Variants in HPS3 observed in about 807,000 individuals in gnomAD.
HPS3 encodes the protein BLOC-2 complex member HPS3.
A neutral mutation model predicts 110.9 loss-of-function variants in HPS3; 79 were observed. That is an observed-to-expected ratio of 0.71 (90% CI 0.59 to 0.86). HPS3 has a LOEUF of 0.86. HPS3 is among the 40% of genes least tolerant of loss of function. HPS3 has a pLI of 0.00. For missense variants in HPS3, 1,197 were observed against 1,206.2 expected, an observed-to-expected ratio of 0.99 and a Z score of 0.11; for synonymous variants, 428 against 451.0, an observed-to-expected ratio of 0.95 and a Z score of 0.65.
Position 149,172,395 on chromosome 3 carries a change from TGTAGTGGTA to T in HPS3, c.*174_*182del. On this transcript the variant is annotated 3_prime_UTR_variant, in exon 17 of 17. Transcript: ENST00000296051. ...TGCTTTCAGGCTGCTTACCTTACCG[TGTAGTGGTA>T]ACTATTCACTTCTTAATTTATGACC... 1.8e-6 allele frequency: 1 copy of T among 569,144 alleles called. No homozygotes were observed. Among genetic ancestry groups the T allele is most frequent in the Non-Finnish European group, 3.1e-6 (1 of 317,470 alleles). 35.3% of individuals were successfully genotyped at this position (569,144 alleles called of 1,614,324 possible).
Position 149,141,363 on chromosome 3 carries a change from T to C in HPS3, c.953T>C (p.Leu318Pro), listed in dbSNP as rs1576667303. 6.2e-7 allele frequency: 1 copy of C among 1,610,812 alleles called. No homozygotes were observed. The highest frequency in any genetic ancestry group is 1.1e-5 in the South Asian group (1 of 91,014). The change falls in exon 4 of 17, where the codon CTA becomes CCA. Residue 318 changes from leucine (L) to proline (P), a missense_variant. Coordinates refer to ENST00000296051, the MANE Select transcript of HPS3 (RefSeq NM_032383.5). ...DDIKLHSLQL[L>P]PIYQTGSLTS... ...ATCAAGCTACATTCCCTCCAGCTGC[T>C]ACCCATTTACCAGACCGGTAAGCAT... is the stretch of plus-strand genomic sequence containing the variant.
chr3:149,158,415 G>C (rs1191220877), intron 9 of HPS3, among the ~76,000 whole-genome samples: 2 of 152,146 alleles, frequency 1.3e-5, no homozygotes, highest in African/African-American at 4.8e-5. Context: ...AATGGCAGTA[G>C]AAAAGCATTT....
intron 4 of HPS3, among the ~76,000 whole-genome samples, chr3:149,142,344 T>C (rs1051326048): frequency 8.5e-5 from 13 of 152,172 alleles, no homozygotes; most frequent in African/African-American, 2.7e-4. Flanking sequence ...CTTCTTATGA[T>C]TGGCTTGTGA....
chr3:149,161,048 A>G (rs989999728), intron 11 of HPS3, among the ~76,000 whole-genome samples: 4 of 152,232 alleles, frequency 2.6e-5, no homozygotes, highest in Non-Finnish European at 5.9e-5. Flanking sequence ...TTTTCTTGCC[A>G]GACTGGCCAA....
chr3:149,144,337 C>A (rs539450639), intron 4 of HPS3, among the ~76,000 whole-genome samples: 1 of 152,142 alleles, frequency 6.6e-6, no homozygotes, highest in African/African-American at 2.4e-5. Flanking sequence ...GAGCCGAGAT[C>A]GTGCCACTGC....
chr3:149,166,727 AT>A (rs1306156001), intron 14 of HPS3, among the ~76,000 whole-genome samples: 1 of 152,202 alleles, frequency 6.6e-6, no homozygotes, highest in African/African-American at 2.4e-5. Context: ...AATGTTGATT[AT>A]TCTCTTAGGA....
intron 5 of HPS3, among the ~76,000 whole-genome samples, chr3:149,150,086 T>C (rs1723007436): frequency 6.6e-6 from 1 of 152,224 alleles, no homozygotes; most frequent in Non-Finnish European, 1.5e-5. Flanking sequence ...TGGTCTCTCA[T>C]TTTCAATTCG....
At chr3:149,168,445 A>G (rs1724649430) in intron 16 of HPS3, 1 of 172,280 alleles carries the variant, frequency 5.8e-6, no homozygotes, top group Non-Finnish European at 1.3e-5. Flanking sequence ...AGTTATTTGA[A>G]TTTTCATAAT....
At position 149,144,196 on chromosome 3, in the gene HPS3, G is replaced by A. The variant is rs1051212413; in HGVS notation, c.971-1158G>A. On this transcript the variant is annotated intron_variant, in intron 4 of 16. Transcript: ENST00000296051. ...TCGAGACCAGCCTGGCCAATATGGC[G>A]AAACCCCGTCTCTACTAGAAAAAAA... Among the ~76,000 whole-genome samples the A allele has an allele frequency of 1.5e-4, 21 of 144,482 alleles. 1 individual carries two copies. The highest frequency in any genetic ancestry group is 4.2e-4 in the Admixed American group (6 of 14,242). The allele number at this position is 144,482 out of a possible 152,430, so 94.8% of individuals were successfully genotyped here. A position where few individuals can be genotyped will look rare whatever the true frequency, so the allele number is the denominator to read the frequency against.
At chr3:149,155,646 G>A (rs1723416159) in intron 8 of HPS3, among the ~76,000 whole-genome samples, 1 of 152,140 alleles carries the variant, frequency 6.6e-6, no homozygotes, top group African/African-American at 2.4e-5. Context: ...ATTGTCCTGG[G>A]GGGAGGGACC....
chr3:149,150,776 C>T, intron 6 of HPS3, 96 bp downstream of exon 6: 1 of 955,482 alleles, frequency 1.0e-6, no homozygotes, highest in Non-Finnish European at 1.7e-6. Flanking sequence ...TAGGCAAGAA[C>T]AAAAGAGCTT....
intron 1 of HPS3, among the ~76,000 whole-genome samples, chr3:149,134,591 G>A (rs1721970269): frequency 6.6e-6 from 1 of 152,098 alleles, no homozygotes; most frequent in African/African-American, 2.4e-5. Context: ...TCTATGCCTG[G>A]GCCAAACCCT....
At chr3:149,150,536 C>T (rs909885969) in intron 5 of HPS3, 63 bp from the exon 6 acceptor site, 3 of 1,332,478 alleles carry the variant, frequency 2.3e-6, no homozygotes, top group African/African-American at 2.9e-5. Flanking sequence ...TGAAACCCTC[C>T]CTGCTGTGGG....
At chr3:149,159,408 A>T (rs960896471) in intron 10 of HPS3, among the ~76,000 whole-genome samples, 4 of 152,116 alleles carry the variant, frequency 2.6e-5, no homozygotes, top group Admixed American at 6.6e-5. Flanking sequence ...ACAGAAAATT[A>T]AAAAATTAGC....
At chr3:149,169,272 C>A (rs1724744929) in intron 16 of HPS3, among the ~76,000 whole-genome samples, 1 of 152,146 alleles carries the variant, frequency 6.6e-6, no homozygotes, top group African/African-American at 2.4e-5. Context: ...GTTTTCTTAA[C>A]AGTTGTACAC....
intron 1 of HPS3, among the ~76,000 whole-genome samples, chr3:149,138,083 T>C (rs1722223821): frequency 6.6e-6 from 1 of 152,140 alleles, no homozygotes; most frequent in South Asian, 2.1e-4. Flanking sequence ...CCTGGAAAAG[T>C]GAACAAACTT....
intron 1 of HPS3, among the ~76,000 whole-genome samples, chr3:149,134,516 A>G (rs1363765823): frequency 1.3e-5 from 2 of 152,190 alleles, no homozygotes; most frequent in African/African-American, 4.8e-5. Flanking sequence ...TAGCTTTCTT[A>G]CCTGTCGGAT....
intron 1 of HPS3, among the ~76,000 whole-genome samples, chr3:149,138,487 TAGA>T (rs2108125667): frequency 1.3e-5 from 2 of 152,126 alleles, no homozygotes; most frequent in African/African-American, 4.8e-5. Context: ...TCCACTAAAA[TAGA>T]AGAAAATATA....
At position 149,162,300 on chromosome 3, in the gene HPS3, A is replaced by C; in HGVS notation, c.2259A>C (p.Lys753Asn). The change falls in exon 12 of 17, where the codon AAA becomes AAC. Residue 753 changes from lysine to asparagine, a missense_variant. Lys to Asn is a moderately conservative substitution (Grantham distance 94). Coordinates refer to ENST00000296051, the MANE Select transcript of HPS3 (RefSeq NM_032383.5). ...ASVLGLQKNN[K>N]IGIEEADSFF... ...TTCTGGGCTTGCAGAAGAACAACAAAATTGGAATTGAAGAAGCAGATTCCT... is the reference window on the plus strand; with the variant it reads ...TTCTGGGCTTGCAGAAGAACAACAACATTGGAATTGAAGAAGCAGATTCCT... 6.8e-6 allele frequency: 11 copies of C among 1,614,016 alleles called. No homozygotes were observed. Among genetic ancestry groups the C allele is most frequent in the Non-Finnish European group, 9.3e-6 (11 of 1,179,928 alleles).
Sources: gnomAD v4.1 joint callset for allele counts (sites outside exome capture counted in the v4.1 genomes callset) on GRCh38, gnomAD v4.1.1 for gene constraint, MANE v1.5 for transcripts, NCBI Gene and HGNC (gene_info 2026-07-23, HGNC 2026-07-21) for gene names.